Variants in NLRP7 observed in about 807,000 individuals in gnomAD.
NLRP7 encodes NLR family pyrin domain containing 7.
A neutral mutation model predicts 85.5 loss-of-function variants in NLRP7; 72 were observed. The ratio of observed to expected loss-of-function variants is 0.84; its 90% confidence interval spans 0.70 to 1.02. The LOEUF is 1.02. Ranked by LOEUF, NLRP7 falls within the 50% of genes least tolerant of loss-of-function variation. NLRP7 has a pLI of 0.00. For synonymous variants in NLRP7, 550 were observed against 505.2 expected, an observed-to-expected ratio of 1.09 and a Z score of -1.19; for missense variants, 1,243 against 1,219.5, an observed-to-expected ratio of 1.02 and a Z score of -0.29.
In NLRP7 at chr19:54,929,978, G is replaced by A. The variant is rs368775664; in HGVS notation, c.2810+521C>T. 8.2e-3 allele frequency among the ~76,000 whole-genome samples: 1,247 copies of A among 151,690 alleles called. 22 individuals are homozygous for A. The highest frequency in any genetic ancestry group is 0.028 in the African/African-American group (1,138 of 41,324). On this transcript the variant is annotated intron_variant, in intron 9 of 9. Coordinates refer to ENST00000340844, the Ensembl canonical transcript of NLRP7. ...AATACAAAAAAAATTAGCCAGGCAC[G>A]GTGGCGGGCATCTGTAGTCCCAGCT...
intron 1 of NLRP7, among the ~76,000 whole-genome samples, chr19:54,946,091 G>A (rs912726151): frequency 8.5e-5 from 12 of 140,352 alleles, no homozygotes; most frequent in Non-Finnish European, 1.6e-4. Flanking sequence ...GCGCCCGGCC[G>A]AGACAGGGTT....
intron 1 of NLRP7, among the ~76,000 whole-genome samples, chr19:54,953,592 G>T (rs544881976): frequency 1.3e-5 from 2 of 149,358 alleles, no homozygotes; most frequent in South Asian, 2.1e-4. Flanking sequence ...TTCCTGGGGC[G>T]CGGGGCTGTC....
At chr19:54,938,064 G>A (rs1233586695) in exon 5 of NLRP7, 4 of 1,613,906 alleles carry the variant, frequency 2.5e-6, no homozygotes, top group African/African-American at 1.3e-5. Context: ...GCAGATGACA[G>A]GTGCTACGGG....
At chr19:54,926,721 G>A (rs2068453520) in intron 9 of NLRP7, among the ~76,000 whole-genome samples, 1 of 151,928 alleles carries the variant, frequency 6.6e-6, no homozygotes, top group South Asian at 2.1e-4. Context: ...CTCGAGACCA[G>A]CCTGGCCAAC....
intron 9 of NLRP7, 99 bp downstream of exon 9, chr19:54,930,400 C>T (rs547159166): frequency 1.7e-5 from 14 of 811,162 alleles, no homozygotes; most frequent in South Asian, 1.5e-4. Context: ...AGACCGAAGC[C>T]GCAGTGAGCC....
chr19:54,938,658 G>A (rs533637491), intron 4 of NLRP7, among the ~76,000 whole-genome samples: 6 of 152,272 alleles, frequency 3.9e-5, no homozygotes, highest in South Asian at 4.1e-4. Context: ...CCCGGGAGGC[G>A]GAGGTTGCAG....
At chr19:54,951,812 G>C (rs533006152), upstream of NLRP7, among the ~76,000 whole-genome samples, 2 of 151,610 alleles carry the variant, frequency 1.3e-5, no homozygotes, top group East Asian at 3.9e-4. Context: ...GGGCAGTGGC[G>C]CAATCTCTGC....
At chr19:54,937,091 G>A (rs564936108) in intron 5 of NLRP7, among the ~76,000 whole-genome samples, 29 of 151,516 alleles carry the variant, frequency 1.9e-4, no homozygotes, top group East Asian at 3.9e-4. Context: ...GGTGGCGGGC[G>A]CCTGTAGTCC....
exon 4 of NLRP7, chr19:54,940,216 G>T: frequency 1.2e-6 from 2 of 1,614,202 alleles, no homozygotes; most frequent in Non-Finnish European, 1.7e-6. Flanking sequence ...TGAGCGTCGG[G>T]CTGAGGTTGC....
chr19:54,943,133 G>A (rs988458156), intron 1 of NLRP7, among the ~76,000 whole-genome samples: 1 of 150,702 alleles, frequency 6.6e-6, no homozygotes, highest in African/African-American at 2.4e-5. Context: ...GGCAACAAGA[G>A]CGAAACTCTA....
intron 1 of NLRP7, among the ~76,000 whole-genome samples, chr19:54,964,487 A>C (rs2146298423): frequency 6.7e-6 from 1 of 149,630 alleles, no homozygotes; most frequent in South Asian, 2.3e-4. Context: ...AAGTGCTGGG[A>C]TTACAGGCGT....
At chr19:54,960,623 T>G (rs551381385) in intron 1 of NLRP7, among the ~76,000 whole-genome samples, 219 of 151,786 alleles carry the variant, frequency 1.4e-3, no homozygotes, top group African/African-American at 5.0e-3. Flanking sequence ...TGAGATGGAG[T>G]CTTGCTCTGT....
At chr19:54,926,226 G>GTGTC (rs2068433924) in intron 9 of NLRP7, among the ~76,000 whole-genome samples, 1 of 151,044 alleles carries the variant, frequency 6.6e-6, no homozygotes, top group South Asian at 2.1e-4. Context: ...GTGTGTGTGT[G>GTGTC]TGCTCATGCA....
At chr19:54,935,601 C>G (rs951097752) in intron 6 of NLRP7, among the ~76,000 whole-genome samples, 6 of 150,966 alleles carry the variant, frequency 4.0e-5, no homozygotes, top group East Asian at 3.9e-4. Flanking sequence ...GAAGCTGAGG[C>G]AGAACTGCTT....
chr19:54,944,675 A>G (rs929113555), intron 1 of NLRP7, among the ~76,000 whole-genome samples: 1 of 151,944 alleles, frequency 6.6e-6, no homozygotes, highest in Non-Finnish European at 1.5e-5. Context: ...GTGAGGTATA[A>G]TTACATATAT....
exon 10 of NLRP7, chr19:54,923,667 A>T: frequency 6.6e-7 from 1 of 1,523,550 alleles, no homozygotes; most frequent in Middle Eastern, 2.3e-4. Flanking sequence ...TGACCCTCTG[A>T]CCTGCATTCA....
intron 1 of NLRP7, among the ~76,000 whole-genome samples, chr19:54,953,721 G>C (rs2069750592): frequency 6.6e-6 from 1 of 151,982 alleles, no homozygotes; most frequent in East Asian, 1.9e-4. Flanking sequence ...AATCCAGCCA[G>C]GCCGGGCGCG....
chr19:54,946,852 C>T (rs1427514669), intron 1 of NLRP7, among the ~76,000 whole-genome samples: 6 of 152,098 alleles, frequency 3.9e-5, no homozygotes, highest in Non-Finnish European at 8.8e-5. Context: ...TTTGGGCAGG[C>T]TGGTCTCAAA....
intron 9 of NLRP7, among the ~76,000 whole-genome samples, chr19:54,926,008 A>G (rs1313350680): frequency 6.6e-6 from 1 of 151,862 alleles, no homozygotes; most frequent in Non-Finnish European, 1.5e-5. Flanking sequence ...GTCTCAAAAA[A>G]AAGACAGATT....
Sources: gnomAD v4.1 joint callset for allele counts (sites outside exome capture counted in the v4.1 genomes callset) on GRCh38, gnomAD v4.1.1 for gene constraint, MANE v1.5 for transcripts, NCBI Gene and HGNC (gene_info 2026-07-23, HGNC 2026-07-21) for gene names.